Variants in ANGPTL2 observed in about 807,000 individuals in gnomAD.
ANGPTL2 encodes angiopoietin-related protein 2.
ANGPTL2 carries 25 observed loss-of-function variants against 52.8 expected under a neutral mutation model. That is an observed-to-expected ratio of 0.47 (90% CI 0.35 to 0.66). The LOEUF (loss-of-function observed/expected upper bound fraction) is 0.66. ANGPTL2 is among the 30% of genes least tolerant of loss of function. ANGPTL2 has a pLI of 0.01. For missense variants in ANGPTL2, 546 were observed against 656.9 expected (o/e 0.83, Z 1.84); for synonymous variants, 276 against 277.4 (o/e 1.00, Z 0.05).
chr9:127,090,191 C>T (rs886119191), intron 4 of ANGPTL2, among the ~76,000 whole-genome samples: 1 of 152,180 alleles, frequency 6.6e-6, no homozygotes, highest in Non-Finnish European at 1.5e-5. Context: ...TCTTTGCCAG[C>T]GGAGGTCCCA....
chr9:127,120,700 C>T (rs1335685972), intron 1 of ANGPTL2, among the ~76,000 whole-genome samples: 2 of 152,110 alleles, frequency 1.3e-5, no homozygotes, highest in Non-Finnish European at 2.9e-5. Context: ...TGGTGGTGGG[C>T]ACCTGTAGCC....
chr9:127,114,347 G>T (rs1456330946), intron 1 of ANGPTL2, among the ~76,000 whole-genome samples: 1 of 152,144 alleles, frequency 6.6e-6, no homozygotes, highest in East Asian at 1.9e-4. Flanking sequence ...TGAGTCATTT[G>T]CCCAAATCAC....
chr9:127,121,509 A>G (rs2056082302), intron 1 of ANGPTL2, among the ~76,000 whole-genome samples: 1 of 152,256 alleles, frequency 6.6e-6, no homozygotes, highest in Non-Finnish European at 1.5e-5. Flanking sequence ...ATCCTACAGC[A>G]GAGGCAAGAG....
chr9:127,102,169 T>G (rs2053798337), intron 2 of ANGPTL2, among the ~76,000 whole-genome samples: 1 of 152,176 alleles, frequency 6.6e-6, no homozygotes, highest in African/African-American at 2.4e-5. Context: ...ACTTCATTAC[T>G]TTTACAAGAC....
chr9:127,089,217 A>G, intron 4 of ANGPTL2, 79 bp from the exon 5 acceptor site: 2 of 1,492,088 alleles, frequency 1.3e-6, no homozygotes, highest in Non-Finnish European at 1.9e-6. Context: ...GGCTTTCGGC[A>G]AAGCCCTCTC....
chr9:127,099,546 C>T (rs888256698), intron 2 of ANGPTL2, among the ~76,000 whole-genome samples: 2 of 152,176 alleles, frequency 1.3e-5, no homozygotes, highest in African/African-American at 4.8e-5. Context: ...ACTCACTGGG[C>T]ACCCCATGAG....
chr9:127,098,137 C>G (rs2053340708), intron 2 of ANGPTL2, among the ~76,000 whole-genome samples: 1 of 152,174 alleles, frequency 6.6e-6, no homozygotes, highest in Non-Finnish European at 1.5e-5. Flanking sequence ...AGATATTTAC[C>G]AGTAGATGTT....
In ANGPTL2 at chr9:127,108,654, A is replaced by G. The variant is rs1589524374; in HGVS notation, c.78T>C (p.Gly26=). 1.2e-6 allele frequency: 2 copies of G among 1,613,214 alleles called. No individual in the cohort carries two copies. The highest frequency in any genetic ancestry group is 1.7e-6 in the Non-Finnish European group (2 of 1,179,866). The change falls in exon 2 of 5, where the codon GGT becomes GGC. Residue 26 remains glycine, a synonymous_variant. Coordinates refer to ENST00000373425, the MANE Select transcript of ANGPTL2 (RefSeq NM_012098.3). ...AMGAVAGQED[G]FEGTEEGSPR... ...GCGAGCCCTCCTCAGTGCCCTCAAA[A>G]CCGTCCTCCTGGCCTGCAACAGCTC...
intron 2 of ANGPTL2, among the ~76,000 whole-genome samples, chr9:127,102,438 G>C (rs1362603964): frequency 6.6e-6 from 1 of 152,160 alleles, no homozygotes; most frequent in East Asian, 1.9e-4. Flanking sequence ...GCTGGCCACA[G>C]ATGCCTGATC....
intron 2 of ANGPTL2, among the ~76,000 whole-genome samples, chr9:127,098,422 T>C (rs910726949): frequency 3.3e-5 from 5 of 152,096 alleles, no homozygotes; most frequent in African/African-American, 1.2e-4. Context: ...AAGACCACAT[T>C]TACATTCTTG....
intron 1 of ANGPTL2, among the ~76,000 whole-genome samples, chr9:127,112,277 C>T (rs1030112270): frequency 4.6e-5 from 7 of 152,196 alleles, no homozygotes; most frequent in South Asian, 4.1e-4. Context: ...TCGTTTCCAA[C>T]GGTGCTTTGG....
At position 127,108,231 on chromosome 9, in the gene ANGPTL2, G is replaced by T; in HGVS notation, c.501C>A (p.Ala167=). Residue 167 remains alanine, a synonymous_variant, in exon 2 of 5, where the codon GCC becomes GCA. Transcript: ENST00000373425. ...ACTTGCTGGCCAGCTGCAGCATGTCGGCTGTCTGGTTCAGGATCCTGTTCT... is the reference window on the plus strand; with the variant it reads ...ACTTGCTGGCCAGCTGCAGCATGTCTGCTGTCTGGTTCAGGATCCTGTTCT... ...QLENRILNQT[A]DMLQLASKYK... The T allele has an allele frequency of 6.2e-7, 1 of 1,614,038 alleles. No individual in the cohort carries two copies. Among genetic ancestry groups the T allele is most frequent in the Non-Finnish European group, 8.5e-7 (1 of 1,180,002 alleles).
intron 1 of ANGPTL2, among the ~76,000 whole-genome samples, chr9:127,114,251 G>T (rs1264666708): frequency 6.6e-6 from 1 of 152,080 alleles, no homozygotes; most frequent in African/African-American, 2.4e-5. Context: ...ATTTTCTGAT[G>T]CCCACAAAGA....
intron 4 of ANGPTL2, among the ~76,000 whole-genome samples, chr9:127,090,878 A>G (rs2052386376): frequency 6.6e-6 from 1 of 152,180 alleles, no homozygotes; most frequent in Non-Finnish European, 1.5e-5. Flanking sequence ...TGGGAGGCTG[A>G]TATCTGGACT....
chr9:127,093,799 G>GCC lies in ANGPTL2; in HGVS notation c.943_944dup (p.Trp316AlafsTer43). On this transcript the variant is annotated frameshift_variant, in exon 3 of 5. Transcript: ENST00000373425. LOFTEE classifies it high-confidence loss of function. ...CCAGGCGTCTCTGGATGACGGTCCA[G>GCC]CCCCCGGGGTCGTGTCTCTGGTCGC... 6.2e-7 allele frequency: 1 copy of GCC among 1,614,060 alleles called. No individual in the cohort carries two copies.
In ANGPTL2 at chr9:127,089,006, C is replaced by T. The variant is rs753991177; in HGVS notation, c.1415G>A (p.Arg472Gln). ...YQDGVYWAEF[R>Q]GGSYSLKKVV... is the part of the protein sequence containing the mutation. Reference sequence around the variant, plus strand: ...TTTCTTGAGTGAGTAAGAGCCTCCTCGGAACTCAGCCCAGTAGACTCCGTC... The same window carrying T: ...TTTCTTGAGTGAGTAAGAGCCTCCTTGGAACTCAGCCCAGTAGACTCCGTC... The change falls in exon 5 of 5, where the codon CGA (arginine) becomes CAA (glutamine). Residue 472 changes from arginine to glutamine, a missense_variant. Arg to Gln is a conservative substitution (Grantham distance 43). Coordinates refer to ENST00000373425, the MANE Select transcript of ANGPTL2 (RefSeq NM_012098.3). 63 of 1,614,070 alleles carry T rather than the reference C, an allele frequency of 3.9e-5. No individual in the cohort carries two copies. Among genetic ancestry groups the T allele is most frequent in the Middle Eastern group, 1.6e-4 (1 of 6,084 alleles).
At chr9:127,115,005 C>A (rs967914100) in intron 1 of ANGPTL2, among the ~76,000 whole-genome samples, 1 of 152,106 alleles carries the variant, frequency 6.6e-6, no homozygotes, top group South Asian at 2.1e-4. Context: ...TGGGAGGGAT[C>A]CAGATGAAGG....
intron 1 of ANGPTL2, among the ~76,000 whole-genome samples, chr9:127,115,610 C>A (rs1766227): frequency 0.024 from 3,720 of 152,350 alleles, 54 homozygotes; most frequent in Middle Eastern, 0.048. Flanking sequence ...ACTGCTAGGT[C>A]CAAACCCTGC....
chr9:127,096,963 A>G (rs1217779881), intron 2 of ANGPTL2, among the ~76,000 whole-genome samples: 1 of 152,170 alleles, frequency 6.6e-6, no homozygotes, highest in Non-Finnish European at 1.5e-5. Context: ...CTGGTGGGTA[A>G]AGGACACAGC....
Sources: gnomAD v4.1 joint callset for allele counts (sites outside exome capture counted in the v4.1 genomes callset) on GRCh38, gnomAD v4.1.1 for gene constraint, MANE v1.5 for transcripts, NCBI Gene and HGNC (gene_info 2026-07-23, HGNC 2026-07-21) for gene names.